The following AUTS2 variants were observed in gnomAD, a reference collection of about 807,000 sequenced individuals.
AUTS2 encodes activator of transcription and developmental regulator AUTS2, also known as autism susceptibility gene 2 protein.
Under a neutral mutation model 112.4 loss-of-function variants are expected in AUTS2, and 17 were observed. The observed-to-expected ratio is 0.15, with a 90% CI of 0.10 to 0.23. The LOEUF (loss-of-function observed/expected upper bound fraction) is 0.23. Ranked by LOEUF, AUTS2 falls within the 10% of genes least tolerant of loss-of-function variation. AUTS2 has a pLI of 1.00. For synonymous variants in AUTS2, 751 were observed against 702.7 expected, an observed-to-expected ratio of 1.07 and a Z score of -1.09; for missense variants, 1,510 against 1,701.6, an observed-to-expected ratio of 0.89 and a Z score of 1.98.
Position 70,792,556 on chromosome 7 carries a change from A to T in AUTS2, c.*1560A>T, listed in dbSNP as rs1340223236. 1 of 149,630 alleles carries T rather than the reference A, an allele frequency of 6.7e-6. No homozygotes were observed. The highest frequency in any genetic ancestry group is 1.5e-5 in the Non-Finnish European group (1 of 67,422). The allele number at this position is 149,630 out of a possible 1,614,324, so 9.3% of individuals were successfully genotyped here. ...AATAAGCAGAGAGATCTATTTTAGT[A>T]GTAAACTGAAGGTTTAGTTGTGAGC... On this transcript the variant is annotated 3_prime_UTR_variant, in exon 19 of 19. Transcript: ENST00000342771.
chr7:69,882,688 A>G (rs1044939383), intron 1 of AUTS2, among the ~76,000 whole-genome samples: 1 of 152,200 alleles, frequency 6.6e-6, no homozygotes, highest in African/African-American at 2.4e-5. Flanking sequence ...AAGTTAGGTG[A>G]TATTATTCGC....
chr7:70,258,257 C>G (rs1786985568), intron 4 of AUTS2, among the ~76,000 whole-genome samples: 1 of 152,086 alleles, frequency 6.6e-6, no homozygotes, highest in Admixed American at 6.5e-5. Flanking sequence ...GCAGTAACAA[C>G]TGTAGAGGTC....
Position 70,694,768 on chromosome 7 carries a change from C to A in AUTS2, c.691-3801C>A, listed in dbSNP as rs1808979518. ...GGCGCGCTCCTCCCGCCGCCCGGGG[C>A]CTCGGCCGCGCTGGATGTGTGCGCG... On this transcript the variant is annotated intron_variant, in intron 5 of 18. Coordinates refer to ENST00000342771, the MANE Select transcript of AUTS2 (RefSeq NM_015570.4). This position sits in a 1 kb window ranked among gnomAD's most constrained non-coding sequence, Gnocchi z 4.1. 1 of 149,492 alleles carries A rather than the reference C, an allele frequency of 6.7e-6. No individual in the cohort carries two copies. Among genetic ancestry groups the A allele is most frequent in the Non-Finnish European group, 1.5e-5 (1 of 66,706 alleles). 9.3% of individuals were successfully genotyped at this position (149,492 alleles called of 1,614,324 possible). A position where few individuals can be genotyped will look rare whatever the true frequency, so the allele number is the denominator to read the frequency against.
intron 2 of AUTS2, among the ~76,000 whole-genome samples, chr7:70,094,653 A>G (rs925967118): frequency 1.3e-5 from 2 of 152,232 alleles, no homozygotes. Flanking sequence ...TCCATAAAGC[A>G]GTATGGAAAT....
intron 2 of AUTS2, among the ~76,000 whole-genome samples, chr7:70,102,404 C>T (rs2129569722): frequency 6.6e-6 from 1 of 151,982 alleles, no homozygotes; most frequent in East Asian, 1.9e-4. Context: ...AGGTGTGAGC[C>T]ACCACACCCA....
At position 69,985,621 on chromosome 7, in the gene AUTS2, A is replaced by G. The variant is rs79643586; in HGVS notation, c.522+86123A>G. ...CCCACTGTCCATCTAGGTCCTCAGG[A>G]TTCCCTTATCAAACTTTCTTCAGTT... is the stretch of plus-strand genomic sequence containing the variant. On this transcript the variant is annotated intron_variant, in intron 2 of 18. Coordinates refer to ENST00000342771, the MANE Select transcript of AUTS2 (RefSeq NM_015570.4). Among the ~76,000 whole-genome samples, 448 of 152,220 alleles carry G rather than the reference A, an allele frequency of 2.9e-3. 5 individuals carry two copies. Among genetic ancestry groups the G allele is most frequent in the African/African-American group, 0.01 (434 of 41,540 alleles).
At chr7:70,216,317 C>T (rs964144957) in intron 4 of AUTS2, among the ~76,000 whole-genome samples, 1 of 152,236 alleles carries the variant, frequency 6.6e-6, no homozygotes, top group Non-Finnish European at 1.5e-5. Flanking sequence ...CTCAGCCCTA[C>T]TACTTGCTTA....
chr7:69,732,201 C>T (rs566318133), intron 1 of AUTS2, among the ~76,000 whole-genome samples: 2 of 152,146 alleles, frequency 1.3e-5, no homozygotes, highest in South Asian at 4.2e-4. Flanking sequence ...GGTACCTTGC[C>T]TTTAAAGTAC....
intron 4 of AUTS2, among the ~76,000 whole-genome samples, chr7:70,189,957 T>C: frequency 6.6e-6 from 1 of 152,102 alleles, no homozygotes; most frequent in East Asian, 1.9e-4. Context: ...CCGGTACTGA[T>C]TGTGGTTTGA....
intron 1 of AUTS2, among the ~76,000 whole-genome samples, chr7:69,600,467 G>C (rs1038259619): frequency 2.0e-5 from 3 of 150,488 alleles, no homozygotes; most frequent in African/African-American, 7.3e-5. Flanking sequence ...CCTTTCCCGG[G>C]TGTCCTCGGG....
At position 69,599,833 on chromosome 7, in the gene AUTS2, G is replaced by A. The variant is rs761862785; in HGVS notation, c.180G>A (p.Gly60=). 6.2e-7 allele frequency: 1 copy of A among 1,610,856 alleles called. No individual in the cohort carries two copies. The highest frequency in any genetic ancestry group is 1.7e-5 in the Admixed American group (1 of 59,892). ...SSSGSDKEDN[G]KPPSSAPSRP... is the part of the protein sequence containing the mutation. The stretch of plus-strand genomic sequence containing the variant: ...CGGGCTCCGACAAGGAAGACAATGG[G>A]AAGCCCCCGTCCTCCGCCCCGTCCC... The change falls in exon 1 of 19, where the codon GGG becomes GGA. Residue 60 remains glycine (G), a synonymous_variant. Coordinates refer to ENST00000342771, the MANE Select transcript of AUTS2 (RefSeq NM_015570.4). This position sits in a 1 kb window ranked among gnomAD's most constrained non-coding sequence, Gnocchi z 7.0.
chr7:70,036,723 G>T (rs1801019514), intron 2 of AUTS2, among the ~76,000 whole-genome samples: 1 of 152,224 alleles, frequency 6.6e-6, no homozygotes, highest in Non-Finnish European at 1.5e-5. Context: ...AATTACAGAA[G>T]AGTTAAAAGA....
chr7:70,504,933 A>T (rs1798904692), intron 5 of AUTS2, among the ~76,000 whole-genome samples: 1 of 152,210 alleles, frequency 6.6e-6, no homozygotes, highest in South Asian at 2.1e-4. Flanking sequence ...GTTGTAATCT[A>T]AATGGAAGAG....
intron 1 of AUTS2, among the ~76,000 whole-genome samples, chr7:69,821,840 C>T (rs1006244892): frequency 3.4e-5 from 5 of 146,586 alleles, no homozygotes; most frequent in Admixed American, 1.4e-4. Context: ...CGATTGAGCT[C>T]AGGAGGTTGA....
intron 5 of AUTS2, among the ~76,000 whole-genome samples, chr7:70,520,882 A>G (rs952151502): frequency 6.6e-6 from 1 of 152,184 alleles, no homozygotes; most frequent in East Asian, 1.9e-4. Flanking sequence ...TGTCAAACTC[A>G]TTTCATTCCA....
chr7:70,052,956 A>C (rs1207794488), intron 2 of AUTS2, among the ~76,000 whole-genome samples: 1 of 152,156 alleles, frequency 6.6e-6, no homozygotes, highest in African/African-American at 2.4e-5. Flanking sequence ...TTTTGAGATA[A>C]ATAGTGGCCT....
At chr7:69,863,113 G>T (rs1168180134) in intron 1 of AUTS2, among the ~76,000 whole-genome samples, 3 of 151,974 alleles carry the variant, frequency 2.0e-5, no homozygotes, top group Admixed American at 1.3e-4. Flanking sequence ...ACACATATGT[G>T]TATATTTGTA....
intron 4 of AUTS2, among the ~76,000 whole-genome samples, chr7:70,314,457 C>T (rs144508390): frequency 1.3e-5 from 2 of 152,284 alleles, no homozygotes; most frequent in African/African-American, 4.8e-5. Context: ...TTTCTGTCAG[C>T]CCAGATTGAT....
intron 2 of AUTS2, among the ~76,000 whole-genome samples, chr7:69,909,461 A>G (rs937196140): frequency 6.6e-6 from 1 of 152,164 alleles, no homozygotes; most frequent in Non-Finnish European, 1.5e-5. Flanking sequence ...GTAGACAATG[A>G]TGATGAGCTC....
Sources: gnomAD v4.1 joint callset for allele counts (sites outside exome capture counted in the v4.1 genomes callset) on GRCh38, gnomAD v4.1.1 for gene constraint, Gnocchi (gnomAD v3.1) non-coding constraint, MANE v1.5 for transcripts, NCBI Gene and HGNC (gene_info 2026-07-23, HGNC 2026-07-21) for gene names.